HPCAL1: variants seen among roughly 807,000 people sequenced by gnomAD.
HPCAL1 encodes the protein hippocalcin-like protein 1.
In HPCAL1, 8 loss-of-function variants were observed where a neutral mutation model predicts 17.1. The ratio of observed to expected loss-of-function variants is 0.47; its 90% confidence interval spans 0.27 to 0.84. The LOEUF (loss-of-function observed/expected upper bound fraction) is 0.84. Among genes scored for constraint, HPCAL1 ranks in the 40% least tolerant of loss-of-function variants. The pLI is 0.13. For missense variants in HPCAL1, 165 were observed against 271.1 expected, an observed-to-expected ratio of 0.61 and a Z score of 2.75; for synonymous variants, 112 against 111.4, an observed-to-expected ratio of 1.01 and a Z score of -0.03.
chr2:10,343,742 C>T lies in HPCAL1; in HGVS notation c.-111+40565C>T, dbSNP rs1665235878. On this transcript the variant is annotated intron_variant, in intron 1 of 4. Coordinates refer to ENST00000307845, the MANE Select transcript of HPCAL1 (RefSeq NM_002149.4). This position sits in a 1 kb window ranked among gnomAD's most constrained non-coding sequence, Gnocchi z 4.8. ...CATCCTTGCGAAGGGACTTTTAGAT[C>T]AGTGGCAGATGGCATAGAAAGTCTT... Among the ~76,000 whole-genome samples, 1 of 152,246 alleles carries T rather than the reference C, an allele frequency of 6.6e-6. No homozygotes were observed. Among genetic ancestry groups the T allele is most frequent in the African/African-American group, 2.4e-5 (1 of 41,472 alleles).
intron 2 of HPCAL1, among the ~76,000 whole-genome samples, chr2:10,415,089 G>A (rs1670578998): frequency 6.6e-6 from 1 of 152,228 alleles, no homozygotes; most frequent in Non-Finnish European, 1.5e-5. Flanking sequence ...GTTTGGGGGT[G>A]CCCCAGCTTG....
chr2:10,350,319 CT>C (rs34432791), intron 1 of HPCAL1, among the ~76,000 whole-genome samples: 44,658 of 130,064 alleles, frequency 0.34, 6,919 homozygotes, highest in East Asian at 0.61. Flanking sequence ...AATCTATGTC[CT>C]TTTTTTTTTT....
At chr2:10,320,775 G>A (rs1404590184) in intron 1 of HPCAL1, among the ~76,000 whole-genome samples, 1 of 152,142 alleles carries the variant, frequency 6.6e-6, no homozygotes, top group Non-Finnish European at 1.5e-5. Flanking sequence ...CATTCACATA[G>A]TACCTAGTAT....
rs572674868 is a variant in HPCAL1 at position 10,304,877 on chromosome 2, G to C, written c.-111+1700G>C. 6.6e-6 allele frequency among the ~76,000 whole-genome samples: 1 copy of C among 151,956 alleles called. No homozygotes were observed. The highest frequency in any genetic ancestry group is 1.5e-5 in the Non-Finnish European group (1 of 67,982). ...GCCGGCATGGGGTTGGGCTGCGGAG[G>C]GGACAGCATGGGCGGCCTTTTGGTA... On this transcript the variant is annotated intron_variant, in intron 1 of 4. Transcript: ENST00000307845. The surrounding 1 kb of genome is among the most constrained non-coding windows in gnomAD (Gnocchi z 4.1).
At position 10,426,957 on chromosome 2, in the gene HPCAL1, G is replaced by A. The variant is rs377557022; in HGVS notation, c.*136G>A. ...CTGGGGCATGCGTTGCACCTGCCCA[G>A]CCCGGTGGCTGCGCCTCCCTCCTCC... is the stretch of plus-strand genomic sequence containing the variant. On this transcript the variant is annotated 3_prime_UTR_variant, in exon 5 of 5. Coordinates refer to ENST00000307845, the MANE Select transcript of HPCAL1 (RefSeq NM_002149.4). 8.8e-4 allele frequency: 620 copies of A among 708,312 alleles called. 8 individuals are homozygous for A. In the South Asian group the frequency reaches 8.8e-3, roughly 10 times the overall value. 43.9% of individuals were successfully genotyped at this position (708,312 alleles called of 1,614,324 possible).
intron 1 of HPCAL1, among the ~76,000 whole-genome samples, chr2:10,305,870 C>T (rs1479760723): frequency 7.9e-5 from 12 of 152,218 alleles, no homozygotes; most frequent in Admixed American, 7.9e-4. Context: ...CCCATACTCA[C>T]CTAGCACCAT....
chr2:10,395,765 A>C lies in HPCAL1; in HGVS notation c.-110-1070A>C, dbSNP rs1668982519. 6.6e-6 allele frequency among the ~76,000 whole-genome samples: 1 copy of C among 152,158 alleles called. No homozygotes were observed. The highest frequency in any genetic ancestry group is 2.1e-4 in the South Asian group (1 of 4,822). ...TGGAAGACACATGATCTTGCAGGTA[A>C]TTAGCTCCTGTAAGCCTCCATTTTT... On this transcript the variant is annotated intron_variant, in intron 1 of 4. Transcript: ENST00000307845. This position sits in a 1 kb window ranked among gnomAD's most constrained non-coding sequence, Gnocchi z 4.4.
At chr2:10,341,105 T>C (rs7557360) in intron 1 of HPCAL1, among the ~76,000 whole-genome samples, 1 of 151,892 alleles carries the variant, frequency 6.6e-6, no homozygotes, top group Non-Finnish European at 1.5e-5. Context: ...TGGCTGTCCT[T>C]CGCGATTTTT....
chr2:10,403,176 GC>G (rs1299090444), intron 2 of HPCAL1, among the ~76,000 whole-genome samples: 1 of 152,220 alleles, frequency 6.6e-6, no homozygotes, highest in Non-Finnish European at 1.5e-5. Context: ...ACCAGTCCTG[GC>G]TCAGTGAGCA....
chr2:10,345,218 T>C lies in HPCAL1; in HGVS notation c.-111+42041T>C, dbSNP rs538907238. ...GTCTGTCTGTCTCTTTCTTTCTGTC[T>C]CTCTGTGTGTGTCTCTCTCTCCGTC... On this transcript the variant is annotated intron_variant, in intron 1 of 4. Coordinates refer to ENST00000307845, the MANE Select transcript of HPCAL1 (RefSeq NM_002149.4). Among the ~76,000 whole-genome samples the C allele has an allele frequency of 9.8e-5, 15 of 152,346 alleles. 1 individual carries two copies. The South Asian group carries it at 2.9e-3, about 29-fold the overall frequency.
chr2:10,324,816 G>GTTTTTTT (rs3036350), intron 1 of HPCAL1, among the ~76,000 whole-genome samples: 39 of 66,374 alleles, frequency 5.9e-4, no homozygotes, highest in African/African-American at 1.1e-3. Context: ...TGGTTTTTGT[G>GTTTTTTT]TTTTTTTTTT....
chr2:10,394,415 G>C lies in HPCAL1; in HGVS notation c.-110-2420G>C, dbSNP rs996041161. On this transcript the variant is annotated intron_variant, in intron 1 of 4. Coordinates refer to ENST00000307845, the MANE Select transcript of HPCAL1 (RefSeq NM_002149.4). The surrounding 1 kb of genome is among the most constrained non-coding windows in gnomAD (Gnocchi z 5.0). ...TGTCCAGGTCTTGATTTCTCGGAGT[G>C]TCAAAGCAGTGCGCACGGAGCTGTG... 7.9e-5 allele frequency among the ~76,000 whole-genome samples: 12 copies of C among 152,210 alleles called. No individual in the cohort carries two copies. The highest frequency in any genetic ancestry group is 1.5e-4 in the Non-Finnish European group (10 of 68,032).
At chr2:10,390,527 C>T (rs992290711) in intron 1 of HPCAL1, among the ~76,000 whole-genome samples, 7 of 152,054 alleles carry the variant, frequency 4.6e-5, no homozygotes, top group African/African-American at 1.7e-4. Context: ...TTTTTTCTCC[C>T]TAAGGGACTT....
At chr2:10,411,819 GC>G (rs1670376866) in intron 2 of HPCAL1, among the ~76,000 whole-genome samples, 1 of 152,212 alleles carries the variant, frequency 6.6e-6, no homozygotes, top group African/African-American at 2.4e-5. Flanking sequence ...CCGGCTGGCT[GC>G]CCGCTTGCTC....
Position 10,367,968 on chromosome 2 carries a change from A to C in HPCAL1, c.-110-28867A>C, listed in dbSNP as rs1280692400. Among the ~76,000 whole-genome samples the C allele has an allele frequency of 6.6e-6, 1 of 151,074 alleles. No homozygotes were observed. Among genetic ancestry groups the C allele is most frequent in the Admixed American group, 6.6e-5 (1 of 15,180 alleles). On this transcript the variant is annotated intron_variant, in intron 1 of 4. Coordinates refer to ENST00000307845, the MANE Select transcript of HPCAL1 (RefSeq NM_002149.4). The surrounding 1 kb of genome is among the most constrained non-coding windows in gnomAD (Gnocchi z 4.4). ...TGCATATGTGTATATAGGTGTGTGC[A>C]TGTGTGTATATACCTGTGTAGGTGT...
Position 10,423,470 on chromosome 2 carries a change from G to A in HPCAL1, c.484+382G>A, listed in dbSNP as rs567869172. 3.4e-5 allele frequency: 7 copies of A among 206,920 alleles called. No individual in the cohort carries two copies. In the East Asian group the frequency reaches 8.9e-4, roughly 26 times the overall value. 12.8% of individuals were successfully genotyped at this position (206,920 alleles called of 1,614,324 possible). The stretch of plus-strand genomic sequence containing the variant: ...CCAGATGTTGGGGTCCTGGGGTGCT[G>A]GCCATGCCTCTCTTGCTGCCATCCT... On this transcript the variant is annotated intron_variant, in intron 4 of 4. Coordinates refer to ENST00000307845, the MANE Select transcript of HPCAL1 (RefSeq NM_002149.4).
chr2:10,324,371 A>C (rs1225971202), intron 1 of HPCAL1: 2 of 152,216 alleles, frequency 1.3e-5, no homozygotes, highest in African/African-American at 2.4e-5. Context: ...AGTTCTCTGG[A>C]GTCAGGTCTG....
In HPCAL1 at chr2:10,419,439, G is replaced by A. The variant is rs1670891203; in HGVS notation, c.-24-295G>A. Among the ~76,000 whole-genome samples the A allele has an allele frequency of 6.6e-6, 1 of 152,146 alleles. No individual in the cohort carries two copies. The highest frequency in any genetic ancestry group is 1.5e-5 in the Non-Finnish European group (1 of 68,036). ...TCGCCTCTCGTACAACCCCTGGTGG[G>A]CACCGGATGATGCCCTGTTCCACTG... On this transcript the variant is annotated intron_variant, in intron 2 of 4. Coordinates refer to ENST00000307845, the MANE Select transcript of HPCAL1 (RefSeq NM_002149.4). This position sits in a 1 kb window ranked among gnomAD's most constrained non-coding sequence, Gnocchi z 5.0.
intron 1 of HPCAL1, among the ~76,000 whole-genome samples, chr2:10,389,211 C>T (rs1318410522): frequency 6.6e-6 from 1 of 152,196 alleles, no homozygotes; most frequent in Non-Finnish European, 1.5e-5. Flanking sequence ...CACCCTTTTC[C>T]TAGAAATTTC....
Sources: allele counts gnomAD v4.1 joint callset (sites outside exome capture counted in the v4.1 genomes callset), GRCh38; gene constraint gnomAD v4.1.1; non-coding constraint Gnocchi (gnomAD v3.1); transcripts MANE v1.5; gene names NCBI Gene and HGNC (gene_info 2026-07-23, HGNC 2026-07-21).